Variants in CIDEB observed in about 807,000 individuals in gnomAD.
CIDEB encodes cell death inducing DFFA like effector b.
Under a neutral mutation model 22.4 loss-of-function variants are expected in CIDEB, and 27 were observed. The observed-to-expected ratio is 1.21, with a 90% CI of 0.89 to 1.66. CIDEB has a LOEUF of 1.66. Ranked by LOEUF, CIDEB falls within the 40% of genes most tolerant of loss-of-function variation. The probability of loss-of-function intolerance (pLI) is 0.00; values close to 1 mark genes in which losing one functional copy is unlikely to be tolerated. For missense variants in CIDEB, 289 were observed against 268.7 expected (o/e 1.08, Z -0.53); for synonymous variants, 103 against 109.5 (o/e 0.94, Z 0.37).
upstream of CIDEB, chr14:24,308,934 T>G (rs927443521): frequency 1.3e-5 from 2 of 152,246 alleles, no homozygotes; most frequent in African/African-American, 4.8e-5. Flanking sequence ...GTATTCAGGT[T>G]GTTGCCCAAA....
At chr14:24,311,330 G>A, upstream of CIDEB, 1 of 1,601,662 alleles carries the variant, frequency 6.2e-7, no homozygotes. Flanking sequence ...GGGCGCGGGT[G>A]GGCCGGCTGG....
At chr14:24,311,328 GTGGGCCGGC>G (rs2041697231), upstream of CIDEB, 2 of 1,601,658 alleles carry the variant, frequency 1.2e-6, no homozygotes, top group Admixed American at 3.4e-5. Flanking sequence ...CGGGGCGCGG[GTGGGCCGGC>G]TGGTGAGCGC....
upstream of CIDEB, chr14:24,310,598 G>C: frequency 6.7e-7 from 1 of 1,502,672 alleles, no homozygotes; most frequent in Non-Finnish European, 9.3e-7. Flanking sequence ...GGGCATCACA[G>C]GTGGGGTTTT....
At chr14:24,308,294 T>C (rs939471389), upstream of CIDEB, 2 of 229,184 alleles carry the variant, frequency 8.7e-6, no homozygotes, top group Non-Finnish European at 1.8e-5. Flanking sequence ...GGAGAAGCCA[T>C]AAGCTGCAGC....
At chr14:24,306,840 A>C in intron 2 of CIDEB, 1 of 402,516 alleles carries the variant, frequency 2.5e-6, no homozygotes, top group Non-Finnish European at 4.6e-6. Context: ...CTTATCTACA[A>C]TGCTGCACCT....
upstream of CIDEB, chr14:24,311,253 A>T (rs1467605462): frequency 1.2e-6 from 2 of 1,605,838 alleles, no homozygotes; most frequent in East Asian, 4.5e-5. Flanking sequence ...TTTCGGGCTG[A>T]TGCTCGGCTG....
In CIDEB at chr14:24,306,514, T is replaced by A. The variant is rs2041512697; in HGVS notation, c.196A>T (p.Thr66Ser). The change falls in exon 3 of 5, where the codon ACC (threonine) becomes TCC (serine). Residue 66 changes from threonine (T) to serine (S), a missense_variant. Coordinates refer to ENST00000554411, the MANE Select transcript of CIDEB (RefSeq NM_001393339.1). ...RQELLAKALE[T>S]LLLNGVLTLV... ...GTTAGCACTCCATTCAGCAGTAGGG[T>A]CTCCAATGCCTGCCCAATGGCAAGA... 2 of 1,614,050 alleles carry A rather than the reference T, an allele frequency of 1.2e-6. No individual in the cohort carries two copies. The highest frequency in any genetic ancestry group is 1.3e-5 in the African/African-American group (1 of 74,928).
chr14:24,311,424 C>T (rs745783539), upstream of CIDEB: 7 of 1,601,316 alleles, frequency 4.4e-6, no homozygotes, highest in African/African-American at 1.3e-5. Flanking sequence ...AGCGCTGGCT[C>T]CACCGGAAGG....
upstream of CIDEB, chr14:24,308,000 C>T (rs963207312): frequency 3.9e-6 from 3 of 766,572 alleles, no homozygotes; most frequent in South Asian, 3.2e-5. Context: ...GACTCTGGCC[C>T]CCCTGCCTGG....
intron 3 of CIDEB, 33 bp downstream of exon 3, chr14:24,306,341 G>C (rs772080487): frequency 6.2e-7 from 1 of 1,613,698 alleles, no homozygotes; most frequent in East Asian, 2.2e-5. Flanking sequence ...TAAAGGACAG[G>C]CATTGGAAGC....
chr14:24,307,625 T>A, intron 1 of CIDEB, 110 bp from the exon 2 acceptor site: 1 of 1,371,676 alleles, frequency 7.3e-7, no homozygotes, highest in South Asian at 1.3e-5. Context: ...GATCTAGGTT[T>A]ATCGATTAGG....
At chr14:24,306,598 C>T in intron 2 of CIDEB, 75 bp from the exon 3 acceptor site, 1 of 1,590,052 alleles carries the variant, frequency 6.3e-7, no homozygotes, top group South Asian at 1.1e-5. Context: ...CAACATCCAT[C>T]AGTTGGCTCT....
upstream of CIDEB, chr14:24,311,325 C>CG: frequency 6.3e-7 from 1 of 1,599,896 alleles, no homozygotes; most frequent in Non-Finnish European, 8.5e-7. Flanking sequence ...GCACGGGGCG[C>CG]GGGTGGGCCG....
At chr14:24,307,249 A>G in intron 2 of CIDEB, 122 bp downstream of exon 2, 1 of 1,087,928 alleles carries the variant, frequency 9.2e-7, no homozygotes, top group Non-Finnish European at 1.3e-6. Context: ...CGCTGCTTTT[A>G]GCCCTCAGAG....
upstream of CIDEB, chr14:24,308,005 G>C: frequency 1.4e-6 from 1 of 736,540 alleles, no homozygotes. Context: ...TGGCCCCCCT[G>C]CCTGGCCAGT....
upstream of CIDEB, chr14:24,308,949 T>C (rs563794436): frequency 6.6e-6 from 1 of 152,346 alleles, no homozygotes; most frequent in African/African-American, 2.4e-5. Context: ...CCCAAAACAC[T>C]GAAAAAAACT....
At chr14:24,311,063 C>T (rs989529132), upstream of CIDEB, 7 of 1,562,826 alleles carry the variant, frequency 4.5e-6, no homozygotes, top group Non-Finnish European at 6.0e-6. Flanking sequence ...CTCGGCTGCG[C>T]AGCCCGGCCC....
rs1291987130 is a variant in CIDEB, at chr14:24,306,105, C to T, written c.369G>A (p.Glu123=). The change falls in exon 4 of 5, where the codon GAG becomes GAA. Residue 123 remains glutamate (E), a synonymous_variant. Coordinates refer to ENST00000554411, the MANE Select transcript of CIDEB (RefSeq NM_001393339.1). ...SGVLSYGLGR[E]RPKHSKDIAR... ...CGATGTCCTTGCTGTGCTTGGGCCT[C>T]TCCCGTCCCAGGCCATATGACAGCA... 4 of 1,613,958 alleles carry T rather than the reference C, an allele frequency of 2.5e-6. No homozygotes were observed. Among genetic ancestry groups the T allele is most frequent in the Non-Finnish European group, 3.4e-6 (4 of 1,180,010 alleles).
At chr14:24,309,162 T>G (rs1429653573), upstream of CIDEB, 1 of 152,264 alleles carries the variant, frequency 6.6e-6, no homozygotes, top group Non-Finnish European at 1.5e-5. Flanking sequence ...ATCTATACTT[T>G]TCTCAGAGGT....
Sources: gnomAD v4.1 joint callset for allele counts on GRCh38, gnomAD v4.1.1 for gene constraint, MANE v1.5 for transcripts, NCBI Gene and HGNC (gene_info 2026-07-23, HGNC 2026-07-21) for gene names.